IPO11: variants seen among roughly 807,000 people sequenced by gnomAD.
The protein encoded by IPO11 is importin-11.
In IPO11, 66 loss-of-function variants were observed where a neutral mutation model predicts 143.2. That is an observed-to-expected ratio of 0.46 (90% CI 0.38 to 0.57). The LOEUF (loss-of-function observed/expected upper bound fraction) is 0.57. Among genes scored for constraint, IPO11 ranks in the 20% least tolerant of loss-of-function variants. The probability of loss-of-function intolerance (pLI) is 0.00; values close to 1 mark genes in which losing one functional copy is unlikely to be tolerated. For synonymous variants in IPO11, 385 were observed against 377.8 expected (o/e 1.02, Z -0.22); for missense variants, 1,026 against 1,141.0 (o/e 0.90, Z 1.45).
At chr5:62,576,348 A>G (rs1194046790) in intron 27 of IPO11, 2 of 152,266 alleles carry the variant, frequency 1.3e-5, no homozygotes, top group African/African-American at 4.8e-5. Flanking sequence ...ATTATTTTTA[A>G]TTGCAAATCC....
At chr5:62,458,819 A>G (rs564469422) in intron 5 of IPO11, among the ~76,000 whole-genome samples, 39 of 152,168 alleles carry the variant, frequency 2.6e-4, no homozygotes, top group Non-Finnish European at 5.3e-4. Context: ...AACAGAAGAG[A>G]TTTTGAATAT....
At chr5:62,438,088 A>C (rs1008376170) in intron 2 of IPO11, among the ~76,000 whole-genome samples, 87 of 152,306 alleles carry the variant, frequency 5.7e-4, no homozygotes, top group African/African-American at 2.1e-3. Flanking sequence ...TCAGGGCAAC[A>C]AAGCTCCCCG....
chr5:62,476,714 A>G lies in IPO11; in HGVS notation c.789A>G (p.Arg263=). Residue 263 remains arginine (R), a synonymous_variant, in exon 9 of 30, where the codon AGA becomes AGG. Transcript: ENST00000325324. ...GTATAGGTACAGATAATGTGTGTAG[A>G]GATAGACTGGAAAAGACCATCATTC... ...SRSIGTDNVC[R]DRLEKTIILF... 6.6e-7 allele frequency: 1 copy of G among 1,518,212 alleles called. No homozygotes were observed. Among genetic ancestry groups the G allele is most frequent in the South Asian group, 1.3e-5 (1 of 76,278 alleles). 94.0% of individuals were successfully genotyped at this position (1,518,212 alleles called of 1,614,324 possible).
intron 20 of IPO11, among the ~76,000 whole-genome samples, chr5:62,525,044 C>A (rs17383748): frequency 7.2e-5 from 11 of 152,024 alleles, no homozygotes; most frequent in African/African-American, 1.5e-4. Context: ...AATTTTAGAT[C>A]GAAACTTCTC....
At chr5:62,543,484 T>C (rs930424719) in intron 24 of IPO11, among the ~76,000 whole-genome samples, 9 of 152,224 alleles carry the variant, frequency 5.9e-5, no homozygotes, top group African/African-American at 1.9e-4. Flanking sequence ...GAGATGTTTA[T>C]AATATTCTCT....
chr5:62,545,759 A>AAAAC (rs1407347103), intron 24 of IPO11, among the ~76,000 whole-genome samples: 3 of 151,750 alleles, frequency 2.0e-5, no homozygotes, highest in Admixed American at 6.6e-5. Flanking sequence ...TTACAAGAAA[A>AAAAC]AAACAACCCC....
At chr5:62,429,654 C>T (rs1042877747) in intron 1 of IPO11, among the ~76,000 whole-genome samples, 2 of 151,246 alleles carry the variant, frequency 1.3e-5, no homozygotes, top group Non-Finnish European at 2.9e-5. Context: ...GACAGAGTCT[C>T]GCTCTGTCGT....
At chr5:62,480,356 T>C (rs1349845386) in intron 9 of IPO11, among the ~76,000 whole-genome samples, 1 of 152,224 alleles carries the variant, frequency 6.6e-6, no homozygotes, top group Non-Finnish European at 1.5e-5. Context: ...GTAGTATAGT[T>C]TGAAGTCAGG....
chr5:62,414,415 G>A (rs1409893507), intron 1 of IPO11, among the ~76,000 whole-genome samples: 1 of 152,138 alleles, frequency 6.6e-6, no homozygotes, highest in Non-Finnish European at 1.5e-5. Context: ...GTGTATGTAT[G>A]TAACCTCACT....
In IPO11 at chr5:62,490,264, ATTTAT is replaced by A. The variant is rs768958170; in HGVS notation, c.1463+51_1463+55del. On this transcript the variant is annotated intron_variant, in intron 15 of 29. Transcript: ENST00000325324. Reference sequence around the variant, plus strand: ...ATTTATTATACACTTACTTTACCTTATTTATTTTATTAATGAAGACAGGAAGGCAT... The same window carrying A: ...ATTTATTATACACTTACTTTACCTTATTTATTAATGAAGACAGGAAGGCAT... The A allele has an allele frequency of 8.7e-6, 11 of 1,258,348 alleles. 1 individual carries two copies. The South Asian group carries it at 1.3e-4, about 15-fold the overall frequency. 77.9% of individuals were successfully genotyped at this position (1,258,348 alleles called of 1,614,324 possible). A position where few individuals can be genotyped will look rare whatever the true frequency, so the allele number is the denominator to read the frequency against.
intron 16 of IPO11, among the ~76,000 whole-genome samples, chr5:62,495,093 T>C (rs946429900): frequency 2.0e-5 from 3 of 152,194 alleles, no homozygotes; most frequent in Non-Finnish European, 2.9e-5. Context: ...CAAAGGCAAA[T>C]AGAACTGATC....
chr5:62,616,005 A>G (rs1580392195), intron 29 of IPO11, among the ~76,000 whole-genome samples: 1 of 137,692 alleles, frequency 7.3e-6, no homozygotes, highest in South Asian at 2.6e-4. Context: ...TTATCTAGAT[A>G]GGAACATTTG....
At chr5:62,528,308 C>T (rs973185291) in intron 21 of IPO11, among the ~76,000 whole-genome samples, 7 of 152,066 alleles carry the variant, frequency 4.6e-5, no homozygotes, top group African/African-American at 1.7e-4. Flanking sequence ...AATTTGGCCA[C>T]ATGAAGATGA....
intron 22 of IPO11, among the ~76,000 whole-genome samples, chr5:62,535,578 A>C (rs1358261199): frequency 6.6e-6 from 1 of 152,142 alleles, no homozygotes; most frequent in African/African-American, 2.4e-5. Context: ...GTAACTAGTA[A>C]TAAGTTTATC....
chr5:62,478,641 T>A (rs1056932260), intron 9 of IPO11, among the ~76,000 whole-genome samples: 1 of 152,204 alleles, frequency 6.6e-6, no homozygotes, highest in African/African-American at 2.4e-5. Context: ...TTCCATCTGT[T>A]CCAAAGTTAT....
Position 62,451,710 on chromosome 5 carries a change from G to GT in IPO11, c.313-17dup. 1.2e-6 allele frequency: 2 copies of GT among 1,601,150 alleles called. No homozygotes were observed. The highest frequency in any genetic ancestry group is 1.7e-6 in the Non-Finnish European group (2 of 1,168,782). On this transcript the variant is annotated intron_variant, in intron 4 of 29. Coordinates refer to ENST00000325324, the MANE Select transcript of IPO11 (RefSeq NM_016338.5). ...CTTATCTATTGCCTTGATTCCATTTGTTTAATTTTTTCCTTTCAGATTGCA... is the reference window on the plus strand; with the variant it reads ...CTTATCTATTGCCTTGATTCCATTTGTTTTAATTTTTTCCTTTCAGATTGCA...
intron 7 of IPO11, among the ~76,000 whole-genome samples, chr5:62,471,334 T>C (rs960943841): frequency 2.1e-4 from 32 of 151,924 alleles, no homozygotes; most frequent in African/African-American, 7.7e-4. Context: ...TTAAAAAAAA[T>C]AGTATTTTTT....
Position 62,483,363 on chromosome 5 carries a change from A to C in IPO11, c.1021+70A>C, listed in dbSNP as rs575845084. On this transcript the variant is annotated intron_variant, in intron 10 of 29. Transcript: ENST00000325324. ...GTGTGATATAATTGCTATAATTACAAACTTTTTAAAAAATGTCATTTTAGT... is the reference window on the plus strand; with the variant it reads ...GTGTGATATAATTGCTATAATTACACACTTTTTAAAAAATGTCATTTTAGT... 258 of 909,912 alleles carry C rather than the reference A, an allele frequency of 2.8e-4. No individual in the cohort carries two copies. The African/African-American group carries it at 3.9e-3, about 14-fold the overall frequency. 56.4% of individuals were successfully genotyped at this position (909,912 alleles called of 1,614,324 possible).
chr5:62,579,281 A>G, intron 27 of IPO11: 1 of 702,472 alleles, frequency 1.4e-6, no homozygotes. Flanking sequence ...CCATGGTATG[A>G]TTTATGATAG....
Sources: gnomAD v4.1 joint callset for allele counts (sites outside exome capture counted in the v4.1 genomes callset) on GRCh38, gnomAD v4.1.1 for gene constraint, MANE v1.5 for transcripts, NCBI Gene and HGNC (gene_info 2026-07-23, HGNC 2026-07-21) for gene names.